Variants in IL1R2 observed in about 807,000 individuals in gnomAD.
IL1R2 encodes the protein interleukin-1 receptor type 2.
IL1R2 carries 46 observed loss-of-function variants against 39.5 expected under a neutral mutation model. That is an observed-to-expected ratio of 1.16 (90% CI 0.92 to 1.49). The LOEUF is 1.49. Among genes scored for constraint, IL1R2 ranks in the 40% most tolerant of loss-of-function variants. The probability of loss-of-function intolerance (pLI) is 0.00; values close to 1 mark genes in which losing one functional copy is unlikely to be tolerated. For synonymous variants in IL1R2, 207 were observed against 189.6 expected (o/e 1.09, Z -0.75); for missense variants, 537 against 502.0 (o/e 1.07, Z -0.67).
rs3218846 is a variant in IL1R2 at position 102,007,587 on chromosome 2, A to G, written c.-61-928A>G. Among the ~76,000 whole-genome samples, 541 of 152,348 alleles carry G rather than the reference A, an allele frequency of 3.6e-3. 2 individuals carry two copies. Among genetic ancestry groups the G allele is most frequent in the African/African-American group, 0.012 (507 of 41,582 alleles). ...TAATTTAGAAGCTTATTTTGCCAAG[A>G]TTAAGGACAATGCCCAGGAGAAAAA... On this transcript the variant is annotated intron_variant, in intron 1 of 8. Coordinates refer to ENST00000332549, the MANE Select transcript of IL1R2 (RefSeq NM_004633.4).
intron 3 of IL1R2, chr2:102,010,093 C>T (rs1457395114): frequency 2.1e-6 from 1 of 484,296 alleles, no homozygotes; most frequent in South Asian, 2.6e-5. Flanking sequence ...TCTCTCCTTA[C>T]CCTGCTGTAG....
intron 7 of IL1R2, 99 bp from the exon 8 acceptor site, chr2:102,026,012 A>G: frequency 1.1e-6 from 1 of 896,838 alleles, no homozygotes; most frequent in Non-Finnish European, 1.7e-6. Flanking sequence ...ATAAAAGCGC[A>G]ATGGGTACTT....
At chr2:102,004,507 A>G (rs1292283732) in intron 1 of IL1R2, among the ~76,000 whole-genome samples, 1 of 152,100 alleles carries the variant, frequency 6.6e-6, no homozygotes, top group Non-Finnish European at 1.5e-5. Context: ...AAAAAAAAAA[A>G]AAAGATAGAA....
chr2:101,993,436 G>A (rs772124332), intron 1 of IL1R2, among the ~76,000 whole-genome samples: 4 of 152,160 alleles, frequency 2.6e-5, no homozygotes, highest in African/African-American at 9.7e-5. Flanking sequence ...GGGGAAGAAG[G>A]TCATGAGTGA....
At chr2:102,019,184 C>T (rs1318080093) in intron 4 of IL1R2, among the ~76,000 whole-genome samples, 1 of 152,088 alleles carries the variant, frequency 6.6e-6, no homozygotes, top group Non-Finnish European at 1.5e-5. Flanking sequence ...AGAGATTTTT[C>T]TGTTACTGAC....
At chr2:101,997,360 C>T (rs1559409587) in intron 1 of IL1R2, among the ~76,000 whole-genome samples, 1 of 152,068 alleles carries the variant, frequency 6.6e-6, no homozygotes, top group Non-Finnish European at 1.5e-5. Context: ...AAATGTTTAG[C>T]AACCAGCAGG....
rs1169239527 is a variant in IL1R2 at position 102,015,907 on chromosome 2, CAG to C, written c.372_373del (p.Arg124SerfsTer3). On this transcript the variant is annotated frameshift_variant, in exon 4 of 9. Transcript: ENST00000332549. LOFTEE classifies it high-confidence loss of function. Reference sequence around the variant, plus strand: ...ACTGTGACAAAATGTCCATTGAGCTCAGAGTTTTTGAGAATACAGATGCTTTC... The same window carrying C: ...ACTGTGACAAAATGTCCATTGAGCTCAGTTTTTGAGAATACAGATGCTTTC... ...SYCDKMSIEL[R>X]VFENTDAFLP... 1.2e-6 allele frequency: 2 copies of C among 1,613,802 alleles called. No individual in the cohort carries two copies. Among genetic ancestry groups the C allele is most frequent in the Non-Finnish European group, 1.7e-6 (2 of 1,179,932 alleles).
rs1225453253 is a variant in IL1R2 at position 101,991,982 on chromosome 2, G to C, written c.-91G>C. ...CCTGCTGGAGGTGAAAGTCTGGCCT[G>C]GCAGCCTTCCCCAGGTGAGCAGCAA... On this transcript the variant is annotated 5_prime_UTR_variant, in exon 1 of 9. Transcript: ENST00000332549. 2 of 152,586 alleles carry C rather than the reference G, an allele frequency of 1.3e-5. No homozygotes were observed. The highest frequency in any genetic ancestry group is 2.9e-5 in the Non-Finnish European group (2 of 68,158). 9.5% of individuals were successfully genotyped at this position (152,586 alleles called of 1,614,324 possible).
chr2:102,009,984 C>A (rs775510832), intron 3 of IL1R2, 158 bp downstream of exon 3: 2 of 781,198 alleles, frequency 2.6e-6, no homozygotes, highest in African/African-American at 1.7e-5. Flanking sequence ...CCCCCCCCAA[C>A]CCTACAGTCT....
At position 102,015,988 on chromosome 2, in the gene IL1R2, A is replaced by G; in HGVS notation, c.450A>G (p.Leu150=). 3 of 1,613,828 alleles carry G rather than the reference A, an allele frequency of 1.9e-6. No individual in the cohort carries two copies. The highest frequency in any genetic ancestry group is 2.5e-6 in the Non-Finnish European group (3 of 1,179,688). ...TAACCTTGTCAACCTCTGGGGTATT[A>G]GTATGCCCTGACCTGAGTGAATTCA... ...QILTLSTSGV[L]VCPDLSEFTR... is the part of the protein sequence containing the mutation. Residue 150 remains leucine (L), a synonymous_variant, in exon 4 of 9, where the codon TTA becomes TTG. Transcript: ENST00000332549.
chr2:102,008,667 A>C (rs1421850445), intron 2 of IL1R2, 25 bp downstream of exon 2: 1 of 1,599,068 alleles, frequency 6.3e-7, no homozygotes, highest in Non-Finnish European at 8.6e-7. Context: ...TTTCAGATGC[A>C]AAAAGGCTTG....
rs895084307 is a variant in IL1R2, at chr2:102,021,012, A to T, written c.689-1175A>T. On this transcript the variant is annotated intron_variant, in intron 5 of 8. Coordinates refer to ENST00000332549, the MANE Select transcript of IL1R2 (RefSeq NM_004633.4). The stretch of plus-strand genomic sequence containing the variant: ...GGTGATGCTGGGGACCCTCAAGTCT[A>T]AGAAGCACTGAGATCCTGGAGGCTT... Among the ~76,000 whole-genome samples the T allele has an allele frequency of 2.0e-5, 3 of 152,250 alleles. No homozygotes were observed. The South Asian group carries it at 6.2e-4, about 32-fold the overall frequency.
chr2:101,993,910 T>G (rs1239257738), intron 1 of IL1R2, among the ~76,000 whole-genome samples: 1 of 152,150 alleles, frequency 6.6e-6, no homozygotes, highest in East Asian at 1.9e-4. Context: ...ATGGCTGCAG[T>G]GGGAGCTGCC....
Position 102,022,219 on chromosome 2 carries a change from T to TC in IL1R2, c.727dup (p.Leu243ProfsTer17), listed in dbSNP as rs770584494. ...AGAAGAGACCATTCCTGTGATCATT[T>TC]CCCCCCTCAAGACCATATCAGCTTC... On this transcript the variant is annotated frameshift_variant, in exon 6 of 9. Transcript: ENST00000332549. LOFTEE classifies it high-confidence loss of function. 2.5e-6 allele frequency: 4 copies of TC among 1,613,564 alleles called. No homozygotes were observed. Among genetic ancestry groups the TC allele is most frequent in the African/African-American group, 2.7e-5 (2 of 74,880 alleles).
rs146582170 is a variant in IL1R2, at chr2:102,019,709, C to T, written c.585C>T (p.His195=). 8.7e-6 allele frequency: 14 copies of T among 1,613,674 alleles called. No homozygotes were observed. The African/African-American group carries it at 9.3e-5, about 11-fold the overall frequency. Residue 195 remains histidine, a synonymous_variant, in exon 5 of 9, where the codon CAC becomes CAT. Transcript: ENST00000332549. ...SVRGTTHLLV[H]DVALEDAGYY... The stretch of plus-strand genomic sequence containing the variant: ...GGGGGACCACTCACTTACTCGTACA[C>T]GATGTGGCCCTGGAAGATGCTGGCT...
intron 1 of IL1R2, among the ~76,000 whole-genome samples, chr2:102,007,171 A>T (rs988650781): frequency 6.6e-6 from 1 of 152,168 alleles, no homozygotes; most frequent in Non-Finnish European, 1.5e-5. Context: ...GACACAGGGA[A>T]CACTTGTGAT....
intron 4 of IL1R2, among the ~76,000 whole-genome samples, chr2:102,018,447 G>A (rs1379473284): frequency 6.6e-6 from 1 of 152,192 alleles, no homozygotes; most frequent in African/African-American, 2.4e-5. Flanking sequence ...CACCACCTGG[G>A]ATTGTTTCAA....
At chr2:101,999,641 A>G (rs1343342324) in intron 1 of IL1R2, among the ~76,000 whole-genome samples, 1 of 152,208 alleles carries the variant, frequency 6.6e-6, no homozygotes, top group African/African-American at 2.4e-5. Flanking sequence ...CAACCTCTGT[A>G]TTTTAGAGGT....
intron 1 of IL1R2, among the ~76,000 whole-genome samples, chr2:102,001,225 A>G (rs1029119895): frequency 2.0e-5 from 3 of 152,246 alleles, no homozygotes; most frequent in African/African-American, 7.2e-5. Context: ...TTCTGTCCCA[A>G]GAACCACTGA....
Sources: allele counts gnomAD v4.1 joint callset (sites outside exome capture counted in the v4.1 genomes callset), GRCh38; gene constraint gnomAD v4.1.1; transcripts MANE v1.5; gene names NCBI Gene and HGNC (gene_info 2026-07-23, HGNC 2026-07-21).